The following MACROD1 variants were observed in gnomAD, a reference collection of about 807,000 sequenced individuals.
MACROD1 encodes the protein mono-ADP ribosylhydrolase 1.
A neutral mutation model predicts 41.4 loss-of-function variants in MACROD1; 31 were observed. The ratio of observed to expected loss-of-function variants is 0.75; its 90% CI spans 0.56 to 1.01. The LOEUF (loss-of-function observed/expected upper bound fraction) is 1.01, where lower values mean the gene tolerates loss of function less well. Among genes scored for constraint, MACROD1 ranks in the 50% least tolerant of loss-of-function variants. The pLI, the probability that MACROD1 is intolerant of heterozygous loss-of-function variation, is 0.00. For missense variants in MACROD1, 473 were observed against 460.0 expected, an observed-to-expected ratio of 1.03 and a Z score of -0.26; for synonymous variants, 252 against 203.4, an observed-to-expected ratio of 1.24 and a Z score of -2.03.
intron 3 of MACROD1, among the ~76,000 whole-genome samples, chr11:64,100,749 A>G (rs1410692845): frequency 6.6e-6 from 1 of 152,142 alleles, no homozygotes; most frequent in African/African-American, 2.4e-5. Flanking sequence ...TGGAAAACCA[A>G]TACACACCCC....
chr11:64,133,422 T>C (rs1403689698), intron 3 of MACROD1, among the ~76,000 whole-genome samples: 2 of 152,152 alleles, frequency 1.3e-5, no homozygotes, highest in African/African-American at 2.4e-5. Context: ...CTGCCTTGCA[T>C]AGGGAGGCAC....
At chr11:64,112,329 T>G (rs181024749) in intron 3 of MACROD1, among the ~76,000 whole-genome samples, 1 of 151,986 alleles carries the variant, frequency 6.6e-6, no homozygotes, top group East Asian at 1.9e-4. Flanking sequence ...CTGGCCAACA[T>G]GGTGAGACCC....
In MACROD1 at chr11:64,025,093, C is replaced by G. The variant is rs576722429; in HGVS notation, c.518-9812G>C. ...CCAGGTTCAAGAGATTCTGCCAGGCCTCAGCCTCCTGAGTAGCTGGGACTA... is the reference window on the plus strand; with the variant it reads ...CCAGGTTCAAGAGATTCTGCCAGGCGTCAGCCTCCTGAGTAGCTGGGACTA... On this transcript the variant is annotated intron_variant, in intron 3 of 10. Transcript: ENST00000255681. Among the ~76,000 whole-genome samples, 29 of 152,308 alleles carry G rather than the reference C, an allele frequency of 1.9e-4. 1 individual carries two copies. The South Asian group carries it at 5.8e-3, about 30-fold the overall frequency.
In MACROD1 at chr11:64,000,312, G is replaced by A; in HGVS notation, c.579C>T (p.Pro193=). Residue 193 remains proline, a synonymous_variant, in exon 5 of 11, where the codon CCC becomes CCT. Coordinates refer to ENST00000255681, the MANE Select transcript of MACROD1 (RefSeq NM_014067.4). ...VDGCIHRAAG[P]LLTDECRTLQ... is the part of the protein sequence containing the mutation. Reference sequence around the variant, plus strand: ...GGGTCCGGCACTCGTCGGTAAGCAGGGGGCCGGCGGCCCGATGAATGCAGC... The same window carrying A: ...GGGTCCGGCACTCGTCGGTAAGCAGAGGGCCGGCGGCCCGATGAATGCAGC... 6.3e-7 allele frequency: 1 copy of A among 1,592,434 alleles called. No individual in the cohort carries two copies. The highest frequency in any genetic ancestry group is 8.5e-7 in the Non-Finnish European group (1 of 1,170,492).
At chr11:64,071,227 C>T (rs1182194577) in intron 3 of MACROD1, among the ~76,000 whole-genome samples, 3 of 152,124 alleles carry the variant, frequency 2.0e-5, no homozygotes, top group African/African-American at 4.8e-5. Context: ...CTCCCTAAGA[C>T]CCTGTCAGGT....
chr11:64,107,984 A>G (rs646384), intron 3 of MACROD1, among the ~76,000 whole-genome samples: 22,711 of 152,236 alleles, frequency 0.15, 2,107 homozygotes, highest in East Asian at 0.23. Flanking sequence ...AAACATTGAA[A>G]GTAACCTTAT....
At chr11:64,033,332 G>A (rs1306354384) in intron 3 of MACROD1, among the ~76,000 whole-genome samples, 1 of 152,220 alleles carries the variant, frequency 6.6e-6, no homozygotes, top group Non-Finnish European at 1.5e-5. Flanking sequence ...AGGCATGGCT[G>A]AGCGGGTTAT....
At chr11:64,009,799 C>T (rs150011385) in intron 4 of MACROD1, among the ~76,000 whole-genome samples, 2,599 of 152,352 alleles carry the variant, frequency 0.017, 40 homozygotes, top group Non-Finnish European at 0.025. Flanking sequence ...CCTGAGACTG[C>T]AGCCCTCTTC....
intron 3 of MACROD1, among the ~76,000 whole-genome samples, chr11:64,074,900 C>T (rs916224921): frequency 6.6e-6 from 1 of 152,204 alleles, no homozygotes; most frequent in African/African-American, 2.4e-5. Context: ...CTGGGAGCCT[C>T]CTGCAGGGTC....
chr11:64,132,723 C>G (rs989915121), intron 3 of MACROD1, among the ~76,000 whole-genome samples: 1 of 152,160 alleles, frequency 6.6e-6, no homozygotes. Context: ...TGTGACCATC[C>G]AGATCTGTAA....
intron 3 of MACROD1, among the ~76,000 whole-genome samples, chr11:64,112,700 A>C (rs564372097): frequency 1.3e-5 from 2 of 152,342 alleles, no homozygotes; most frequent in South Asian, 4.1e-4. Flanking sequence ...CTGTCCAGGC[A>C]GAGAGCACAG....
chr11:63,999,680 T>C lies in MACROD1; in HGVS notation c.748A>G (p.Ser250Gly). The part of the protein sequence containing the change: ...AAELRSCYLS[S>G]LDLLLEHRLR... ...CGGTGCTCCAGCAGCAGGTCCAGACTGCTCAGGTAGCAGCTGCGGAGCTCG... is the reference window on the plus strand; with the variant it reads ...CGGTGCTCCAGCAGCAGGTCCAGACCGCTCAGGTAGCAGCTGCGGAGCTCG... The change falls in exon 6 of 11, where the codon AGT becomes GGT. Residue 250 changes from serine to glycine, a missense_variant. Coordinates refer to ENST00000255681, the MANE Select transcript of MACROD1 (RefSeq NM_014067.4). 1 of 1,609,596 alleles carries C rather than the reference T, an allele frequency of 6.2e-7. No individual in the cohort carries two copies. Among genetic ancestry groups the C allele is most frequent in the Non-Finnish European group, 8.5e-7 (1 of 1,179,212 alleles).
chr11:64,022,914 C>T (rs1231934207), intron 3 of MACROD1, among the ~76,000 whole-genome samples: 1 of 135,206 alleles, frequency 7.4e-6, no homozygotes, highest in East Asian at 2.1e-4. Flanking sequence ...CAGGCTGGAG[C>T]ACAGTAGTGC....
chr11:64,122,496 G>A lies in MACROD1; in HGVS notation c.517+28743C>T, dbSNP rs967472783. ...TTCTCCCTCCCTCTACACAGGCACC[G>A]GGTCTCCTCCTTCCCCTGGGGATCT... On this transcript the variant is annotated intron_variant, in intron 3 of 10. Transcript: ENST00000255681. This position sits in a 1 kb window ranked among gnomAD's most constrained non-coding sequence, Gnocchi z 4.0. Among the ~76,000 whole-genome samples, 6 of 152,316 alleles carry A rather than the reference G, an allele frequency of 3.9e-5. No homozygotes were observed. The highest frequency in any genetic ancestry group is 3.9e-4 in the East Asian group (2 of 5,188).
At chr11:64,086,182 C>A (rs537096607) in intron 3 of MACROD1, among the ~76,000 whole-genome samples, 1 of 152,276 alleles carries the variant, frequency 6.6e-6, no homozygotes, top group East Asian at 1.9e-4. Flanking sequence ...ACAGTGGGAT[C>A]CCCCAGGGCT....
chr11:64,077,487 T>C (rs1029863960), intron 3 of MACROD1, among the ~76,000 whole-genome samples: 2 of 152,060 alleles, frequency 1.3e-5, no homozygotes, highest in Non-Finnish European at 2.9e-5. Flanking sequence ...ACCCAGGTAC[T>C]GATGGGCATT....
In MACROD1 at chr11:64,120,234, C is replaced by G. The variant is rs952825786; in HGVS notation, c.517+31005G>C. ...AGCACGGCCTGGGGGGGCTAGCCCA[C>G]GAAATAGGTCCACTCCCCAGCCCTG... On this transcript the variant is annotated intron_variant, in intron 3 of 10. Coordinates refer to ENST00000255681, the MANE Select transcript of MACROD1 (RefSeq NM_014067.4). The surrounding 1 kb of genome is among the most constrained non-coding windows in gnomAD (Gnocchi z 4.5). 1.3e-5 allele frequency among the ~76,000 whole-genome samples: 2 copies of G among 152,168 alleles called. No homozygotes were observed. The highest frequency in any genetic ancestry group is 2.9e-5 in the Non-Finnish European group (2 of 68,042).
At chr11:64,046,414 G>A (rs1242985815) in intron 3 of MACROD1, among the ~76,000 whole-genome samples, 1 of 152,168 alleles carries the variant, frequency 6.6e-6, no homozygotes, top group Non-Finnish European at 1.5e-5. Context: ...CCCTGTGCTG[G>A]GGTGCGAGGC....
chr11:64,077,994 G>C (rs890054049), intron 3 of MACROD1, among the ~76,000 whole-genome samples: 3 of 152,162 alleles, frequency 2.0e-5, no homozygotes, highest in African/African-American at 4.8e-5. Flanking sequence ...CCTCCTCAGC[G>C]GGGGTCCCAG....
Sources: allele counts gnomAD v4.1 joint callset (sites outside exome capture counted in the v4.1 genomes callset), GRCh38; gene constraint gnomAD v4.1.1; non-coding constraint Gnocchi (gnomAD v3.1); transcripts MANE v1.5; gene names NCBI Gene and HGNC (gene_info 2026-07-23, HGNC 2026-07-21).